Variants in MGA observed in about 807,000 individuals in gnomAD.
MGA encodes MAX gene-associated protein.
MGA carries 40 observed loss-of-function variants against 261.1 expected under a neutral mutation model. The ratio of observed to expected loss-of-function variants is 0.15; its 90% confidence interval spans 0.12 to 0.20. The LOEUF is 0.20. Ranked by LOEUF, MGA falls within the 10% of genes least tolerant of loss-of-function variation. The pLI is 1.00. For missense variants in MGA, 3,397 were observed against 3,630.5 expected, an observed-to-expected ratio of 0.94 and a Z score of 1.65; for synonymous variants, 1,302 against 1,290.6, an observed-to-expected ratio of 1.01 and a Z score of -0.19.
chr15:41,665,052 G>A (rs2057651815), intron 1 of MGA, among the ~76,000 whole-genome samples: 1 of 152,054 alleles, frequency 6.6e-6, no homozygotes, highest in South Asian at 2.1e-4. Flanking sequence ...GTCATAATAG[G>A]AAACAATAGT....
In MGA at chr15:41,730,444, GA is replaced by G. The variant is rs921940506; in HGVS notation, c.3843+1106del. On this transcript the variant is annotated intron_variant, in intron 11 of 23. Transcript: ENST00000219905. ...ACAAGAGCAAAACTTTGTCTCAAAA[GA>G]AAAAAAAAAATGTAATTAAGCAGTG... Among the ~76,000 whole-genome samples, 940 of 131,756 alleles carry G rather than the reference GA, an allele frequency of 7.1e-3. 12 individuals carry two copies. The highest frequency in any genetic ancestry group is 0.026 in the African/African-American group (865 of 33,536). 86.4% of individuals were successfully genotyped at this position (131,756 alleles called of 152,430 possible). A position where few individuals can be genotyped will look rare whatever the true frequency, so the allele number is the denominator to read the frequency against.
At chr15:41,698,384 C>G (rs1039360176) in intron 3 of MGA, among the ~76,000 whole-genome samples, 6 of 152,046 alleles carry the variant, frequency 3.9e-5, no homozygotes, top group African/African-American at 1.2e-4. Context: ...CCAGGATGGT[C>G]TCAATCTCCT....
intron 9 of MGA, among the ~76,000 whole-genome samples, chr15:41,724,653 C>G (rs540600936): frequency 6.6e-6 from 1 of 152,200 alleles, no homozygotes; most frequent in African/African-American, 2.4e-5. Context: ...CCAGTACACT[C>G]CAGCCTGGGT....
chr15:41,697,646 C>T (rs1327572122), intron 3 of MGA, among the ~76,000 whole-genome samples: 1 of 151,936 alleles, frequency 6.6e-6, no homozygotes, highest in African/African-American at 2.4e-5. Flanking sequence ...TAACTTCTGG[C>T]CTCCAGCAGT....
At chr15:41,758,939 G>A (rs907591154) in intron 19 of MGA, among the ~76,000 whole-genome samples, 5 of 152,150 alleles carry the variant, frequency 3.3e-5, no homozygotes, top group African/African-American at 1.2e-4. Flanking sequence ...AATAGTTAAT[G>A]TTGATGCTTT....
rs1317613647 is a variant in MGA at position 41,761,769 on chromosome 15, C to G, written c.7429C>G (p.Gln2477Glu). 6.3e-7 allele frequency: 1 copy of G among 1,597,984 alleles called. No homozygotes were observed. The highest frequency in any genetic ancestry group is 1.7e-5 in the Admixed American group (1 of 57,984). The change falls in exon 21 of 24, where the codon CAG (glutamine) becomes GAG (glutamate). Residue 2477 changes from glutamine (Q) to glutamate (E), a missense_variant. Gln to Glu is a conservative substitution (Grantham distance 29). This residue lies in a region of MGA where 50 missense variants were observed against 121.5 expected (regional missense o/e 0.41). Coordinates refer to ENST00000219905, the MANE Select transcript of MGA (RefSeq NM_001164273.2). ...CAGTGAAATTCAGGGACTAACAGAT[C>G]AGGCAGACAAATTGATAGGACAGAA...
chr15:41,650,848 GATAA>G (rs1444643695), intron 1 of MGA, among the ~76,000 whole-genome samples: 1 of 152,190 alleles, frequency 6.6e-6, no homozygotes, highest in African/African-American at 2.4e-5. Flanking sequence ...TTGTAGATTG[GATAA>G]ATATTTTCCA....
chr15:41,694,197 C>T (rs1022493411), intron 2 of MGA, among the ~76,000 whole-genome samples: 1 of 151,918 alleles, frequency 6.6e-6, no homozygotes, highest in African/African-American at 2.4e-5. Flanking sequence ...GTGGGCGGAT[C>T]ACGAGGTTAG....
intron 2 of MGA, among the ~76,000 whole-genome samples, chr15:41,694,869 C>CA: frequency 6.6e-6 from 1 of 152,244 alleles, no homozygotes; most frequent in South Asian, 2.1e-4. Flanking sequence ...CTCCTGGGCA[C>CA]AAGCAGTCCT....
At chr15:41,758,147 A>G (rs896589837) in intron 19 of MGA, among the ~76,000 whole-genome samples, 6 of 152,122 alleles carry the variant, frequency 3.9e-5, no homozygotes, top group African/African-American at 1.4e-4. Context: ...ACAAGGTGCC[A>G]TTCTTTCTTG....
chr15:41,731,534 TA>T (rs1182658085), intron 11 of MGA, among the ~76,000 whole-genome samples: 2 of 152,016 alleles, frequency 1.3e-5, no homozygotes, highest in Admixed American at 6.6e-5. Context: ...TCATTTTGGA[TA>T]AAAAAAACTT....
chr15:41,698,453 C>G (rs1414819364), intron 3 of MGA, among the ~76,000 whole-genome samples: 3 of 152,190 alleles, frequency 2.0e-5, no homozygotes, highest in Non-Finnish European at 2.9e-5. Flanking sequence ...GCGTGAGCCA[C>G]TGTGCCAGGC....
At chr15:41,689,855 T>A (rs1337570100) in intron 2 of MGA, among the ~76,000 whole-genome samples, 1 of 152,204 alleles carries the variant, frequency 6.6e-6, no homozygotes, top group Admixed American at 6.5e-5. Flanking sequence ...TTGTTTCATT[T>A]TCTAACAGTC....
chr15:41,735,761 T>G (rs2061745941), intron 12 of MGA, among the ~76,000 whole-genome samples: 1 of 152,180 alleles, frequency 6.6e-6, no homozygotes, highest in South Asian at 2.1e-4. Flanking sequence ...GAATACTATT[T>G]TTCTTGCTGT....
intron 16 of MGA, 54 bp from the exon 17 acceptor site, chr15:41,749,057 G>A: frequency 6.4e-7 from 1 of 1,558,262 alleles, no homozygotes. Flanking sequence ...AACATTGGAA[G>A]TCTTGATATG....
intron 9 of MGA, chr15:41,718,287 G>GT (rs2060749502): frequency 5.4e-6 from 1 of 185,348 alleles, no homozygotes; most frequent in African/African-American, 3.3e-5. Flanking sequence ...TGTATATGTA[G>GT]TGTGTGTGTG....
chr15:41,683,878 GC>G (rs1260126006), intron 2 of MGA, among the ~76,000 whole-genome samples: 1 of 151,936 alleles, frequency 6.6e-6, no homozygotes, highest in African/African-American at 2.4e-5. Context: ...ACCGTGCATG[GC>G]CTAAGCACCA....
intron 1 of MGA, among the ~76,000 whole-genome samples, chr15:41,650,232 G>A (rs1462574668): frequency 6.6e-6 from 1 of 152,078 alleles, no homozygotes; most frequent in Non-Finnish European, 1.5e-5. Flanking sequence ...ATATGTACAT[G>A]GTAAGTGCTC....
rs2057913798 is a variant in MGA, at chr15:41,669,008, A to C, written c.114A>C (p.Gln38His). The C allele has an allele frequency of 6.2e-7, 1 of 1,613,608 alleles. No homozygotes were observed. Among genetic ancestry groups the C allele is most frequent in the South Asian group, 1.1e-5 (1 of 91,080 alleles). ...AGCCAGGAAATGGCAAAACTGATCAAGGAATTTTGGTTACTAATCAGGATG... is the reference window on the plus strand; with the variant it reads ...AGCCAGGAAATGGCAAAACTGATCACGGAATTTTGGTTACTAATCAGGATG... Residue 38 changes from glutamine (Q) to histidine (H), a missense_variant, in exon 2 of 24, where the codon CAA becomes CAC. By Grantham distance (24) the Gln-to-His change is conservative. Around this residue, in one of 9 missense-constraint regions of MGA, gnomAD observed 81 missense variants for 84.3 expected, o/e 0.96. Coordinates refer to ENST00000219905, the MANE Select transcript of MGA (RefSeq NM_001164273.2).
Sources: gnomAD v4.1 joint callset for allele counts (sites outside exome capture counted in the v4.1 genomes callset) on GRCh38, gnomAD v4.1.1 for gene constraint, gnomAD v4.1.1 regional missense constraint, MANE v1.5 for transcripts, NCBI Gene and HGNC (gene_info 2026-07-23, HGNC 2026-07-21) for gene names.